RBFOX1: variants seen among roughly 807,000 people sequenced by gnomAD.
RBFOX1 encodes the protein RNA binding fox-1 homolog 1, also known as RNA binding protein fox-1 homolog 1.
In RBFOX1, 8 loss-of-function variants were observed where a neutral mutation model predicts 57.7. The ratio of observed to expected loss-of-function variants is 0.14; its 90% confidence interval spans 0.08 to 0.25. RBFOX1 has a LOEUF of 0.25. RBFOX1 is among the 10% of genes least tolerant of loss of function. The pLI, the probability that RBFOX1 is intolerant of heterozygous loss-of-function variation, is 1.00. For synonymous variants in RBFOX1, 326 were observed against 222.4 expected, an observed-to-expected ratio of 1.47 and a Z score of -4.15; for missense variants, 611 against 548.5, an observed-to-expected ratio of 1.11 and a Z score of -1.14.
intron 4 of RBFOX1, among the ~76,000 whole-genome samples, chr16:7,505,217 G>C (rs556560611): frequency 1.1e-4 from 16 of 146,300 alleles, no homozygotes; most frequent in Non-Finnish European, 1.9e-4. Context: ...CACTCTTTGA[G>C]ATGATTGAGG....
At chr16:5,278,620 A>G (rs944172923) in intron 1 of RBFOX1, among the ~76,000 whole-genome samples, 2 of 152,132 alleles carry the variant, frequency 1.3e-5, no homozygotes, top group African/African-American at 4.8e-5. Flanking sequence ...ATATAATCCC[A>G]TTTGTCTGAT....
chr16:5,338,085 T>C (rs953337863), intron 1 of RBFOX1, among the ~76,000 whole-genome samples: 8 of 152,110 alleles, frequency 5.3e-5, no homozygotes, highest in Non-Finnish European at 8.8e-5. Flanking sequence ...CTTCTAGGGA[T>C]AGAGGGTGAT....
At chr16:5,639,466 A>C (rs2048790596) in intron 3 of RBFOX1, among the ~76,000 whole-genome samples, 1 of 152,172 alleles carries the variant, frequency 6.6e-6, no homozygotes, top group Admixed American at 6.5e-5. Context: ...TCTTTTGGAA[A>C]GTGAGAAGGC....
rs869028735 is a variant in RBFOX1, at chr16:6,895,448, G to GTGTGTGTGTA, written c.-15-156608_-15-156607insGTGTGTGTAT. The stretch of plus-strand genomic sequence containing the variant: ...TGTGTGTGTGTGTGTGTGTGTGTGT[G>GTGTGTGTGTA]TATATATATATATATATATATATAT... On this transcript the variant is annotated intron_variant, in intron 3 of 15. Coordinates refer to ENST00000550418, the MANE Select transcript of RBFOX1 (RefSeq NM_018723.4). 7.9e-4 allele frequency among the ~76,000 whole-genome samples: 43 copies of GTGTGTGTGTA among 54,628 alleles called. 1 individual carries two copies. The highest frequency in any genetic ancestry group is 3.7e-3 in the African/African-American group (43 of 11,546). The allele number at this position is 54,628 out of a possible 152,430, so 35.8% of individuals were successfully genotyped here.
chr16:5,730,971 G>A lies in RBFOX1; in HGVS notation c.318+132010G>A, dbSNP rs114843267. Among the ~76,000 whole-genome samples the A allele has an allele frequency of 8.8e-3, 1,291 of 146,864 alleles. 21 individuals are homozygous for A. The highest frequency in any genetic ancestry group is 0.029 in the African/African-American group (1,186 of 40,594). ...TATCAGTATCACCACCGTCATCATC[G>A]TTACCGTCACTACCATCATCACCAT... On this transcript the variant is annotated intron_variant, in intron 3 of 19. Transcript: ENST00000641259.
intron 2 of RBFOX1, among the ~76,000 whole-genome samples, chr16:6,369,661 C>G (rs886130733): frequency 6.6e-6 from 1 of 152,170 alleles, no homozygotes; most frequent in Non-Finnish European, 1.5e-5. Flanking sequence ...ACCCTCCAAC[C>G]TATACCTCAT....
intron 2 of RBFOX1, among the ~76,000 whole-genome samples, chr16:5,532,152 C>T (rs760523176): frequency 6.6e-5 from 10 of 152,076 alleles, no homozygotes; most frequent in Admixed American, 2.6e-4. Context: ...GATGTGGCAG[C>T]GGGGGTGGTT....
chr16:7,291,115 C>A (rs540354786), intron 4 of RBFOX1, among the ~76,000 whole-genome samples: 15 of 152,162 alleles, frequency 9.9e-5, no homozygotes, highest in South Asian at 4.2e-4. Context: ...TGATTATAGC[C>A]CTAGGTTCAA....
intron 4 of RBFOX1, among the ~76,000 whole-genome samples, chr16:7,436,970 A>C (rs2098726754): frequency 6.6e-6 from 1 of 152,180 alleles, no homozygotes; most frequent in African/African-American, 2.4e-5. Context: ...AATCCGAGCT[A>C]CTCAGGAAGC....
At chr16:7,677,752 A>G (rs1209486086) in intron 14 of RBFOX1, among the ~76,000 whole-genome samples, 1 of 152,196 alleles carries the variant, frequency 6.6e-6, no homozygotes, top group Non-Finnish European at 1.5e-5. Flanking sequence ...CCTTTATTTT[A>G]AAAATATGTT....
intron 3 of RBFOX1, among the ~76,000 whole-genome samples, chr16:6,773,215 ATG>A (rs1567183828): frequency 2.6e-5 from 1 of 38,386 alleles, no homozygotes; most frequent in African/African-American, 1.0e-4. Context: ...GTGTGAGTGT[ATG>A]TGTGGGTGTG....
At chr16:7,421,454 C>G (rs2098541905) in intron 4 of RBFOX1, among the ~76,000 whole-genome samples, 2 of 152,276 alleles carry the variant, frequency 1.3e-5, no homozygotes, top group African/African-American at 4.8e-5. Context: ...AAATAAACAC[C>G]AGCCTGAATG....
chr16:6,887,534 T>C (rs2064357915), intron 3 of RBFOX1, among the ~76,000 whole-genome samples: 1 of 151,772 alleles, frequency 6.6e-6, no homozygotes. Flanking sequence ...TCCCTATATC[T>C]GTTTATAGAC....
intron 3 of RBFOX1, among the ~76,000 whole-genome samples, chr16:5,740,324 C>T (rs1226812065): frequency 6.6e-6 from 1 of 152,166 alleles, no homozygotes; most frequent in African/African-American, 2.4e-5. Flanking sequence ...TCCAAGGGGG[C>T]TCCACCAAAC....
intron 4 of RBFOX1, among the ~76,000 whole-genome samples, chr16:5,957,887 G>T (rs770732025): frequency 6.6e-6 from 1 of 152,080 alleles, no homozygotes; most frequent in Non-Finnish European, 1.5e-5. Context: ...TCACCCTATT[G>T]TACTATTAAG....
chr16:6,663,581 A>G (rs1261958540), intron 3 of RBFOX1, among the ~76,000 whole-genome samples: 1 of 152,188 alleles, frequency 6.6e-6, no homozygotes, highest in Non-Finnish European at 1.5e-5. Flanking sequence ...GACCAAAGCG[A>G]AGATACTTAA....
At chr16:6,720,109 A>G (rs1434332106) in intron 3 of RBFOX1, among the ~76,000 whole-genome samples, 2 of 152,112 alleles carry the variant, frequency 1.3e-5, no homozygotes, top group Admixed American at 6.6e-5. Context: ...AATAAAATAA[A>G]TAAATAAATA....
At chr16:5,703,072 T>C (rs2055653234) in intron 3 of RBFOX1, among the ~76,000 whole-genome samples, 1 of 152,208 alleles carries the variant, frequency 6.6e-6, no homozygotes, top group Admixed American at 6.5e-5. Context: ...TGGTAGGCAC[T>C]AAGAAGATGA....
chr16:7,242,487 C>T (rs1603438579), intron 4 of RBFOX1, among the ~76,000 whole-genome samples: 1 of 152,132 alleles, frequency 6.6e-6, no homozygotes. Flanking sequence ...TTTATAGATA[C>T]AGTGTACCTC....
Sources: gnomAD v4.1 joint callset for allele counts (sites outside exome capture counted in the v4.1 genomes callset) on GRCh38, gnomAD v4.1.1 for gene constraint, MANE v1.5 for transcripts, NCBI Gene and HGNC (gene_info 2026-07-23, HGNC 2026-07-21) for gene names.